KLK15: variants seen among roughly 807,000 people sequenced by gnomAD.
KLK15 encodes the protein kallikrein related peptidase 15.
KLK15 carries 19 observed loss-of-function variants against 21.1 expected under a neutral mutation model. That is an observed-to-expected ratio of 0.90 (90% confidence interval 0.63 to 1.32). KLK15 has a LOEUF of 1.32. KLK15 is among the 40% of genes most tolerant of loss of function. The pLI is 0.00. For missense variants in KLK15, 345 were observed against 348.6 expected (o/e 0.99, Z 0.08); for synonymous variants, 141 against 141.5 (o/e 1.00, Z 0.03).
rs547009251 is a variant in KLK15, at chr19:50,825,872, T to C, written c.695A>G (p.Asn232Ser). 6.8e-6 allele frequency: 11 copies of C among 1,613,944 alleles called. No homozygotes were observed. The East Asian group carries it at 1.1e-4, about 16-fold the overall frequency. Reference sequence around the variant, plus strand: ...GGTATAGACACCAGGCTTGGTGGTGTTGTCACAAGGGACGTCACCCCAGGA... The same window carrying C: ...GGTATAGACACCAGGCTTGGTGGTGCTGTCACAAGGGACGTCACCCCAGGA... The change falls in exon 5 of 5, where the codon AAC becomes AGC. Residue 232 changes from asparagine to serine, a missense_variant. Asn to Ser is a conservative substitution (Grantham distance 46, BLOSUM62 1). Transcript: ENST00000598239.
intron 4 of KLK15, 27 bp downstream of exon 5, chr19:50,826,594 C>T (rs779014824): frequency 1.7e-5 from 27 of 1,558,346 alleles, no homozygotes; most frequent in Admixed American, 5.9e-5. Context: ...CCTCTTCTTC[C>T]GCCTGATGGC....
exon 2 of KLK15, chr19:50,827,697 T>C (rs2089908599): frequency 1.2e-6 from 2 of 1,610,976 alleles, no homozygotes; most frequent in African/African-American, 1.3e-5. Flanking sequence ...GCACCCAGTG[T>C]GGGGAGATGA....
At chr19:50,829,459 A>G (rs2089944136) in intron 1 of KLK15, among the ~76,000 whole-genome samples, 1 of 151,698 alleles carries the variant, frequency 6.6e-6, no homozygotes, top group African/African-American at 2.4e-5. Context: ...GAGATGGCCA[A>G]CATAAGTCAG....
upstream of KLK15, among the ~76,000 whole-genome samples, chr19:50,833,446 G>A (rs1287780547): frequency 6.6e-6 from 1 of 152,288 alleles, no homozygotes; most frequent in Non-Finnish European, 1.5e-5. Flanking sequence ...TTCTCCAAGC[G>A]TGGTCAACGT....
rs113839453 is a variant in KLK15, at chr19:50,829,698, T to A, written c.43+1752A>T. The stretch of plus-strand genomic sequence containing the variant: ...AGCTGGGCGTGGTGGTGCGTGCCTG[T>A]AATTCTAGCTACTCGGGAGGCAGAG... On this transcript the variant is annotated intron_variant, in intron 1 of 4. Transcript: ENST00000598239. Among the ~76,000 whole-genome samples, 1,270 of 151,888 alleles carry A rather than the reference T, an allele frequency of 8.4e-3. 43 individuals are homozygous for A. Among genetic ancestry groups the A allele is most frequent in the African/African-American group, 0.029 (1,197 of 41,486 alleles).
intron 4 of KLK15, 101 bp downstream of exon 5, chr19:50,826,520 C>T: frequency 7.2e-7 from 1 of 1,381,208 alleles, no homozygotes. Context: ...CTAACCCTAG[C>T]ATCTTCTCTG....
At chr19:50,827,781 G>A (rs1396817481) in exon 2 of KLK15, 4 of 1,611,096 alleles carry the variant, frequency 2.5e-6, no homozygotes, top group Non-Finnish European at 3.4e-6. Flanking sequence ...GTGCACACTC[G>A]TCACCTTCCA....
chr19:50,828,249 C>T (rs2089920287), intron 1 of KLK15, among the ~76,000 whole-genome samples: 1 of 151,546 alleles, frequency 6.6e-6, no homozygotes, highest in Non-Finnish European at 1.5e-5. Context: ...CTCCGCCTGC[C>T]CTGTTGTTTA....
upstream of KLK15, among the ~76,000 whole-genome samples, chr19:50,832,483 C>A (rs911919907): frequency 1.3e-5 from 2 of 151,844 alleles, no homozygotes; most frequent in Non-Finnish European, 2.9e-5. Context: ...CCACCACGCC[C>A]AGCTAATTTT....
Position 50,829,206 on chromosome 19 carries a change from G to A in KLK15, c.44-1391C>T, listed in dbSNP as rs148210673. ...AAGATGGGTCCTTAAGCCTGGGTTCGAATGTACTAGCTGTGAAACTTTGAG... is the reference window on the plus strand; with the variant it reads ...AAGATGGGTCCTTAAGCCTGGGTTCAAATGTACTAGCTGTGAAACTTTGAG... On this transcript the variant is annotated intron_variant, in intron 1 of 4. Transcript: ENST00000598239. 8.6e-5 allele frequency among the ~76,000 whole-genome samples: 13 copies of A among 151,448 alleles called. 1 individual carries two copies. Among genetic ancestry groups the A allele is most frequent in the African/African-American group, 1.9e-4 (8 of 41,370 alleles).
chr19:50,832,869 G>A (rs1335238416), upstream of KLK15, among the ~76,000 whole-genome samples: 1 of 152,192 alleles, frequency 6.6e-6, no homozygotes, highest in African/African-American at 2.4e-5. Context: ...TCCCCGAGGA[G>A]CTGGTCTGAC....
chr19:50,828,782 A>G (rs906785097), intron 1 of KLK15, among the ~76,000 whole-genome samples: 7 of 151,346 alleles, frequency 4.6e-5, no homozygotes, highest in African/African-American at 1.7e-4. Context: ...AGCCTGGCCA[A>G]TATGGGGAAA....
chr19:50,832,389 C>A (rs1322031809), upstream of KLK15, among the ~76,000 whole-genome samples: 2 of 136,520 alleles, frequency 1.5e-5, no homozygotes, highest in East Asian at 4.3e-4. Context: ...GTGGCGTGAT[C>A]TCCGCTCACT....
intron 4 of KLK15, 191 bp downstream of exon 5, chr19:50,826,430 C>G: frequency 1.7e-6 from 1 of 595,698 alleles, no homozygotes. Context: ...TTATCCACCT[C>G]AAACAACGCA....
In KLK15 at chr19:50,828,097, C is replaced by A. The variant is rs538732875; in HGVS notation, c.44-282G>T. 6.6e-4 allele frequency among the ~76,000 whole-genome samples: 100 copies of A among 151,484 alleles called. 1 individual carries two copies. The highest frequency in any genetic ancestry group is 2.3e-3 in the African/African-American group (95 of 41,410). Reference sequence around the variant, plus strand: ...CCTCCCGAGTAGCTGAGGTGCCCGCCACCACACCTGGCTAATTTTTGTATT... The same window carrying A: ...CCTCCCGAGTAGCTGAGGTGCCCGCAACCACACCTGGCTAATTTTTGTATT... On this transcript the variant is annotated intron_variant, in intron 1 of 4. Transcript: ENST00000598239.
intron 2 of KLK15, 27 bp from the exon 4 acceptor site, chr19:50,827,188 A>G: frequency 1.9e-6 from 3 of 1,555,178 alleles, no homozygotes; most frequent in East Asian, 2.3e-5. Flanking sequence ...TTTTCCCGCC[A>G]GTGGAGTGCG....
intron 1 of KLK15, among the ~76,000 whole-genome samples, chr19:50,829,431 A>G (rs1447785871): frequency 6.6e-6 from 1 of 151,656 alleles, no homozygotes; most frequent in Non-Finnish European, 1.5e-5. Flanking sequence ...ATACGTGTGA[A>G]AGTTCAGGTC....
chr19:50,825,440 G>A, downstream of KLK15: 1 of 172,766 alleles, frequency 5.8e-6, no homozygotes, highest in South Asian at 1.8e-4. Flanking sequence ...GATCACACGG[G>A]TGGTCATGTG....
intron 1 of KLK15, among the ~76,000 whole-genome samples, chr19:50,830,356 A>G (rs1240449754): frequency 1.3e-5 from 2 of 151,804 alleles, no homozygotes; most frequent in Admixed American, 6.6e-5. Flanking sequence ...CACTCTCCCC[A>G]TCACAGTCAG....
Sources: allele counts gnomAD v4.1 joint callset (sites outside exome capture counted in the v4.1 genomes callset), GRCh38; gene constraint gnomAD v4.1.1; transcripts MANE v1.5; gene names NCBI Gene and HGNC (gene_info 2026-07-23, HGNC 2026-07-21).